PLA2G4B: variants seen among roughly 807,000 people sequenced by gnomAD.
The protein encoded by PLA2G4B is cytosolic phospholipase A2 beta.
PLA2G4B carries 122 observed loss-of-function variants against 95.8 expected under a neutral mutation model. The ratio of observed to expected loss-of-function variants is 1.27; its 90% CI spans 1.10 to 1.48. The LOEUF (loss-of-function observed/expected upper bound fraction) is 1.48. PLA2G4B is among the 40% of genes most tolerant of loss of function. The probability of loss-of-function intolerance (pLI) is 0.00; values close to 1 mark genes in which losing one functional copy is unlikely to be tolerated. For missense variants in PLA2G4B, 1,158 were observed against 996.2 expected, an observed-to-expected ratio of 1.16 and a Z score of -2.19; for synonymous variants, 518 against 421.5, an observed-to-expected ratio of 1.23 and a Z score of -2.80.
intron 1 of PLA2G4B, chr15:41,839,778 A>T: frequency 4.4e-6 from 1 of 226,294 alleles, no homozygotes; most frequent in Non-Finnish European, 8.8e-6. Flanking sequence ...GGTCTGTGTG[A>T]GGCATAAATC....
Position 41,842,714 on chromosome 15 carries a change from G to C in PLA2G4B, c.743+123G>C, listed in dbSNP as rs576743314. The C allele has an allele frequency of 1.5e-3, 2,189 of 1,461,824 alleles. 1 individual carries two copies. Among genetic ancestry groups the C allele is most frequent in the Admixed American group, 2.9e-3 (111 of 37,884 alleles). 90.6% of individuals were successfully genotyped at this position (1,461,824 alleles called of 1,614,324 possible). On this transcript the variant is annotated intron_variant, in intron 10 of 19. Coordinates refer to ENST00000458483, the MANE Select transcript of PLA2G4B (RefSeq NM_001114633.2). ...CCTCATCCTCATGCTCTCTGAAGGG[G>C]CTCAGGCTTGCGCTCGAGGGGGCAC...
At position 41,847,445 on chromosome 15, in the gene PLA2G4B, G is replaced by T. The variant is rs542271554; in HGVS notation, c.2056G>T (p.Asp686Tyr). Residue 686 changes from aspartate (D) to tyrosine (Y), a missense_variant, in exon 19 of 20, where the codon GAC becomes TAC. Asp to Tyr is a radical substitution (Grantham distance 160). Transcript: ENST00000458483. ...LQPRECHTFSDPTCPGAPAVL... is the reference protein window; with the variant it reads ...LQPRECHTFSYPTCPGAPAVL... ...GCCTCGGGAGTGCCACACCTTCTCCGACCCCACCTGCCCCGGAGCCCCTGC... is the reference window on the plus strand; with the variant it reads ...GCCTCGGGAGTGCCACACCTTCTCCTACCCCACCTGCCCCGGAGCCCCTGC... The T allele has an allele frequency of 1.9e-6, 3 of 1,613,242 alleles. No homozygotes were observed. The highest frequency in any genetic ancestry group is 2.2e-5 in the South Asian group (2 of 91,066).
chr15:41,845,750 T>C lies in PLA2G4B; in HGVS notation c.1470T>C (p.Pro490=). ...TGGGGCAGCTGATGAAGAGGCTTCC[T>C]GAGTCCCGCATCTGCTTCTTAGAAG... ...FFMGQLMKRL[P]ESRICFLEGI... Residue 490 remains proline, a synonymous_variant, in exon 15 of 20, where the codon CCT becomes CCC. Coordinates refer to ENST00000458483, the MANE Select transcript of PLA2G4B (RefSeq NM_001114633.2). 6.2e-7 allele frequency: 1 copy of C among 1,608,446 alleles called. No homozygotes were observed. The highest frequency in any genetic ancestry group is 1.1e-5 in the South Asian group (1 of 90,412).
At chr15:41,846,491 G>A in intron 17 of PLA2G4B, 109 bp downstream of exon 17, 4 of 1,518,370 alleles carry the variant, frequency 2.6e-6, no homozygotes, top group Non-Finnish European at 2.7e-6. Flanking sequence ...TTGATTCCCT[G>A]GACTACTTGG....
rs2140900351 is a variant in PLA2G4B at position 41,847,431 on chromosome 15, G to A, written c.2042G>A (p.Cys681Tyr). The A allele has an allele frequency of 1.2e-6, 2 of 1,613,462 alleles. No homozygotes were observed. Among genetic ancestry groups the A allele is most frequent in the East Asian group, 4.5e-5 (2 of 44,880 alleles). Residue 681 changes from cysteine (C) to tyrosine (Y), a missense_variant, in exon 19 of 20, where the codon TGC becomes TAC. Coordinates refer to ENST00000458483, the MANE Select transcript of PLA2G4B (RefSeq NM_001114633.2). ...GAAGAGCAGCTCCAGCCTCGGGAGT[G>A]CCACACCTTCTCCGACCCCACCTGC... ...SPEEQLQPRE[C>Y]HTFSDPTCPG... is the part of the protein sequence containing the mutation.
In PLA2G4B at chr15:41,845,997, C is replaced by G. The variant is rs947599415; in HGVS notation, c.1550C>G (p.Ser517Ter). 4.6e-6 allele frequency: 7 copies of G among 1,524,734 alleles called. No homozygotes were observed. The highest frequency in any genetic ancestry group is 5.3e-6 in the Non-Finnish European group (6 of 1,136,830). 94.5% of individuals were successfully genotyped at this position (1,524,734 alleles called of 1,614,324 possible). Residue 517 changes from serine to a stop codon, truncating the protein, a stop_gained, in exon 16 of 20, where the codon TCA (serine) becomes TGA (stop). Coordinates refer to ENST00000458483, the MANE Select transcript of PLA2G4B (RefSeq NM_001114633.2). LOFTEE classifies it high-confidence loss of function. ...CTCCAGGACAGCTTATACTGGGCCT[C>G]AGAGCCCAGCCAGTTCTGGGACCGC... ...ANLQDSLYWA[S>*]EPSQFWDRWV...
intron 18 of PLA2G4B, among the ~76,000 whole-genome samples, chr15:41,847,064 G>A (rs576974378): frequency 1.3e-5 from 2 of 152,188 alleles, no homozygotes; most frequent in African/African-American, 4.8e-5. Context: ...TGCGAGGTGT[G>A]GTCCTGGGCC....
rs2065372918 is a variant in PLA2G4B, at chr15:41,838,871, G to A, written c.-43G>A. 6.3e-7 allele frequency: 1 copy of A among 1,581,898 alleles called. No individual in the cohort carries two copies. The highest frequency in any genetic ancestry group is 1.2e-5 in the South Asian group (1 of 86,578). On this transcript the variant is annotated 5_prime_UTR_variant, in exon 1 of 20. It adds an upstream start codon to the 5' untranslated region. Coordinates refer to ENST00000458483, the MANE Select transcript of PLA2G4B (RefSeq NM_001114633.2). ...TAGAAAGCTGACAGTCCTTGATCCT[G>A]TGGCCACTGCCCCATCATTCCTGCT...
In PLA2G4B at chr15:41,847,330, C is replaced by T; in HGVS notation, c.1948-7C>T. ...TCCCTCTGAAGCCCCTTCTGCCTGCCCTGCAGCAGTTGCAGCTCCTGGGCC... is the reference window on the plus strand; with the variant it reads ...TCCCTCTGAAGCCCCTTCTGCCTGCTCTGCAGCAGTTGCAGCTCCTGGGCC... On this transcript the variant is annotated splice_polypyrimidine_tract_variant and splice_region_variant and intron_variant, in intron 18 of 19. Transcript: ENST00000458483. 2 of 1,592,644 alleles carry T rather than the reference C, an allele frequency of 1.3e-6. No individual in the cohort carries two copies. The highest frequency in any genetic ancestry group is 1.7e-6 in the Non-Finnish European group (2 of 1,166,860).
chr15:41,840,737 C>G (rs774081531), intron 3 of PLA2G4B, 37 bp from the exon 4 acceptor site: 1 of 1,608,562 alleles, frequency 6.2e-7, no homozygotes, highest in Admixed American at 1.7e-5. Context: ...TTTCTGTCCC[C>G]TCCCTCCTGC....
At chr15:41,846,176 C>A (rs1177875259) in intron 16 of PLA2G4B, 27 bp from the exon 17 acceptor site, 9 of 1,603,046 alleles carry the variant, frequency 5.6e-6, no homozygotes, top group South Asian at 1.1e-5. Context: ...TGCAGGAGTC[C>A]CCATTTCCCC....
At chr15:41,839,833 G>A (rs911588539) in intron 1 of PLA2G4B, 4 of 304,168 alleles carry the variant, frequency 1.3e-5, no homozygotes, top group Non-Finnish European at 2.5e-5. Flanking sequence ...TGGACCTCAG[G>A]CAAGTGACTG....
chr15:41,840,489 C>A, intron 2 of PLA2G4B, 35 bp from the exon 3 acceptor site: 2 of 1,612,760 alleles, frequency 1.2e-6, no homozygotes, highest in South Asian at 1.1e-5. Flanking sequence ...GGGAAGGGCT[C>A]TTGTCCACCG....
intron 13 of PLA2G4B, 34 bp from the exon 14 acceptor site, chr15:41,845,169 G>A (rs142567724): frequency 8.1e-6 from 13 of 1,613,188 alleles, no homozygotes; most frequent in African/African-American, 4.0e-5. Flanking sequence ...CACCCAGGCC[G>A]CTGTGGGTTT....
chr15:41,847,459 C>T lies in PLA2G4B; in HGVS notation c.2070C>T (p.Pro690=), dbSNP rs368040094. ...ECHTFSDPTC[P]GAPAVLHFPL... ...ACACCTTCTCCGACCCCACCTGCCC[C>T]GGAGCCCCTGCGGTGCTGCACTTTC... Residue 690 remains proline, a synonymous_variant, in exon 19 of 20, where the codon CCC becomes CCT. Transcript: ENST00000458483. 42 of 1,613,172 alleles carry T rather than the reference C, an allele frequency of 2.6e-5. No homozygotes were observed. Among genetic ancestry groups the T allele is most frequent in the Admixed American group, 8.3e-5 (5 of 59,964 alleles).
At chr15:41,842,427 T>G (rs2065449978) in intron 9 of PLA2G4B, 127 bp from the exon 10 acceptor site, 18 of 1,556,192 alleles carry the variant, frequency 1.2e-5, no homozygotes, top group Non-Finnish European at 1.5e-5. Context: ...TGAGCATCCC[T>G]GCTTCAGGCC....
At chr15:41,845,824 G>A (rs1221557303) in intron 15 of PLA2G4B, 49 bp downstream of exon 15, 1 of 1,549,244 alleles carries the variant, frequency 6.5e-7, no homozygotes, top group Non-Finnish European at 8.7e-7. Flanking sequence ...AGGGAAAATG[G>A]GTCCTGGGTG....
At chr15:41,847,192 GT>G (rs3214531) in intron 18 of PLA2G4B, 144 bp from the exon 19 acceptor site, 1,044,577 of 1,308,980 alleles carry the variant, frequency 0.8, 418,964 homozygotes, top group East Asian at 0.88. Context: ...GGTGTGGAGA[GT>G]TTTTTTCCAA....
chr15:41,845,971 C>T lies in PLA2G4B; in HGVS notation c.1524C>T (p.Asn508=). 1.3e-6 allele frequency: 2 copies of T among 1,515,998 alleles called. No homozygotes were observed. The highest frequency in any genetic ancestry group is 2.7e-5 in the South Asian group (2 of 75,038). The allele number at this position is 1,515,998 out of a possible 1,614,324, so 93.9% of individuals were successfully genotyped here. Residue 508 remains asparagine, a synonymous_variant, in exon 16 of 20, where the codon AAC becomes AAT. Coordinates refer to ENST00000458483, the MANE Select transcript of PLA2G4B (RefSeq NM_001114633.2). ...EGIWSNLYAA[N]LQDSLYWASE... ...TCTGGAGCAACCTGTATGCAGCCAA[C>T]CTCCAGGACAGCTTATACTGGGCCT...
Sources: gnomAD v4.1 joint callset for allele counts (sites outside exome capture counted in the v4.1 genomes callset) on GRCh38, gnomAD v4.1.1 for gene constraint, MANE v1.5 for transcripts, NCBI Gene and HGNC (gene_info 2026-07-23, HGNC 2026-07-21) for gene names.